The following TMPRSS11B variants were observed in gnomAD, a reference collection of about 807,000 sequenced individuals.
TMPRSS11B encodes transmembrane serine protease 11B.
Under a neutral mutation model 44.7 loss-of-function variants are expected in TMPRSS11B, and 53 were observed. That is an observed-to-expected ratio of 1.19 (90% CI 0.95 to 1.49). The LOEUF is 1.49. Among genes scored for constraint, TMPRSS11B ranks in the 40% most tolerant of loss-of-function variants. The probability of loss-of-function intolerance (pLI) is 0.00; values close to 1 mark genes in which losing one functional copy is unlikely to be tolerated. For missense variants in TMPRSS11B, 526 were observed against 494.8 expected, an observed-to-expected ratio of 1.06 and a Z score of -0.60; for synonymous variants, 140 against 159.2, an observed-to-expected ratio of 0.88 and a Z score of 0.91.
At position 68,229,374 on chromosome 4, in the gene TMPRSS11B, C is replaced by G. The variant is rs756777618; in HGVS notation, c.829G>C (p.Ala277Pro). Residue 277 changes from alanine (A) to proline (P), a missense_variant, in exon 8 of 10, where the codon GCT (alanine) becomes CCT (proline). Physicochemically the swap from Ala to Pro is conservative, Grantham distance 27. Coordinates refer to ENST00000332644, the MANE Select transcript of TMPRSS11B (RefSeq NM_182502.3). ...LHDDIALVQL[A>P]EEVSFTEYIR... ...TACTCTGTAAAAGAAACTTCTTCAG[C>G]AAGCTGCACAAGGGCAATATCATCA... 6 of 1,614,066 alleles carry G rather than the reference C, an allele frequency of 3.7e-6. No homozygotes were observed. Among genetic ancestry groups the G allele is most frequent in the Non-Finnish European group, 5.1e-6 (6 of 1,179,984 alleles).
rs367772329 is a variant in TMPRSS11B at position 68,241,738 on chromosome 4, C to T, written c.75G>A (p.Ala25=). ...WTTIFIFLGV[A]AILGVTIGLL... The stretch of plus-strand genomic sequence containing the variant: ...GACCAATGGTTACTCCCAAGATTGC[C>T]GCCACTCCAAGAAAAATAAAGATCG... Residue 25 remains alanine, a synonymous_variant, in exon 2 of 10, where the codon GCG becomes GCA. Transcript: ENST00000332644. 10 of 1,612,708 alleles carry T rather than the reference C, an allele frequency of 6.2e-6. No homozygotes were observed. Among genetic ancestry groups the T allele is most frequent in the East Asian group, 2.2e-5 (1 of 44,842 alleles).
intron 7 of TMPRSS11B, 111 bp downstream of exon 7, chr4:68,231,092 G>C (rs10024748): frequency 3.3e-6 from 3 of 912,850 alleles, no homozygotes; most frequent in Non-Finnish European, 4.6e-6. Flanking sequence ...CTATGTGATT[G>C]TAAATTTCAT....
intron 1 of TMPRSS11B, among the ~76,000 whole-genome samples, chr4:68,242,357 T>TTATATTATATATAATATTATATATATAA (rs1719880780): frequency 6.5e-5 from 4 of 61,092 alleles, no homozygotes; most frequent in Non-Finnish European, 1.1e-4. Context: ...ATATATAATA[T>TTATATTATATATAATATTATATATATAA]TATATTATAT....
rs142803242 is a variant in TMPRSS11B at position 68,235,860 on chromosome 4, G to A, written c.308+142C>T. The A allele has an allele frequency of 1.1e-3, 497 of 456,982 alleles. 7 individuals are homozygous for A. The highest frequency in any genetic ancestry group is 8.2e-3 in the African/African-American group (394 of 48,292). 28.3% of individuals were successfully genotyped at this position (456,982 alleles called of 1,614,324 possible). On this transcript the variant is annotated intron_variant, in intron 4 of 9. Transcript: ENST00000332644. Reference sequence around the variant, plus strand: ...TTTTCTTTTTTTTTCTATTTCCTTCGTTCCTTCCTTTCTTTCTTTCCTTTC... The same window carrying A: ...TTTTCTTTTTTTTTCTATTTCCTTCATTCCTTCCTTTCTTTCTTTCCTTTC...
chr4:68,233,294 G>A (rs1719571178), intron 5 of TMPRSS11B, among the ~76,000 whole-genome samples: 1 of 152,092 alleles, frequency 6.6e-6, no homozygotes, highest in East Asian at 1.9e-4. Flanking sequence ...TGTGGCAAAA[G>A]AGCGGTAACT....
Position 68,231,379 on chromosome 4 carries a change from A to C in TMPRSS11B, c.510T>G (p.Cys170Trp). 1 of 1,609,058 alleles carries C rather than the reference A, an allele frequency of 6.2e-7. No individual in the cohort carries two copies. The highest frequency in any genetic ancestry group is 1.7e-4 in the Middle Eastern group (1 of 6,010). The change falls in exon 7 of 10, where the codon TGT (cysteine) becomes TGG (tryptophan). Residue 170 changes from cysteine to tryptophan, a missense_variant and splice_region_variant. Transcript: ENST00000332644. ...KAASEMLTNN[C>W]CGRQVANSII... The stretch of plus-strand genomic sequence containing the variant: ...TACTGTTGGCTACTTGTCTCCCACA[A>C]CCTAGAGAAAGGATTTATTTACACG...
At chr4:68,232,966 C>A (rs1331389052) in intron 5 of TMPRSS11B, among the ~76,000 whole-genome samples, 1 of 149,774 alleles carries the variant, frequency 6.7e-6, no homozygotes, top group Non-Finnish European at 1.5e-5. Flanking sequence ...GGAAAAATGT[C>A]CCAATTAAAA....
At chr4:68,239,254 GCTCTCT>G (rs926030805) in intron 2 of TMPRSS11B, among the ~76,000 whole-genome samples, 87 of 150,146 alleles carry the variant, frequency 5.8e-4, no homozygotes, top group Non-Finnish European at 1.0e-3. Context: ...TCTCTTGCGC[GCTCTCT>G]CTCGCGCGCG....
At chr4:68,243,348 G>GT (rs963818591) in intron 1 of TMPRSS11B, among the ~76,000 whole-genome samples, 119 of 151,696 alleles carry the variant, frequency 7.8e-4, no homozygotes, top group African/African-American at 2.6e-3. Flanking sequence ...TTTTGTTTTT[G>GT]TTTTTTTTAG....
chr4:68,234,455 T>C lies in TMPRSS11B; in HGVS notation c.469+8A>G. The C allele has an allele frequency of 6.2e-7, 1 of 1,610,206 alleles. No individual in the cohort carries two copies. Among genetic ancestry groups the C allele is most frequent in the South Asian group, 1.1e-5 (1 of 90,266 alleles). On this transcript the variant is annotated splice_region_variant and intron_variant, in intron 5 of 9. Coordinates refer to ENST00000332644, the MANE Select transcript of TMPRSS11B (RefSeq NM_182502.3). ...TGTAATAGAAAATAATGGAAATAAG[T>C]CAAATACCCATGAGTTTAATGGAAG...
chr4:68,233,659 T>C (rs1327215521), intron 5 of TMPRSS11B, among the ~76,000 whole-genome samples: 3 of 152,148 alleles, frequency 2.0e-5, no homozygotes, highest in Non-Finnish European at 1.5e-5. Context: ...AGATTTAAAT[T>C]TAAGTTCTCA....
chr4:68,227,934 T>C lies in TMPRSS11B; in HGVS notation c.1228A>G (p.Ile410Val), dbSNP rs771501243. The change falls in exon 10 of 10, where the codon ATT becomes GTT. Residue 410 changes from isoleucine (I) to valine (V), a missense_variant. Physicochemically the swap from Ile to Val is conservative, Grantham distance 29. Transcript: ENST00000332644. ...TTTCAGAGTCCAGTCTTGGATGTAA[T>C]CCAATTGCGATAAGAAGTCACTCGA... The part of the protein sequence containing the change: ...YTRVTSYRNW[I>V]TSKTGL The C allele has an allele frequency of 1.2e-6, 2 of 1,612,616 alleles. No homozygotes were observed. Among genetic ancestry groups the C allele is most frequent in the South Asian group, 2.2e-5 (2 of 90,774 alleles).
intron 2 of TMPRSS11B, among the ~76,000 whole-genome samples, chr4:68,237,831 C>T (rs1719716823): frequency 6.6e-6 from 1 of 152,064 alleles, no homozygotes; most frequent in South Asian, 2.1e-4. Flanking sequence ...GCCTGGACAG[C>T]ATAGTGAGAG....
chr4:68,238,404 G>T (rs190881462), intron 2 of TMPRSS11B, among the ~76,000 whole-genome samples: 1 of 151,970 alleles, frequency 6.6e-6, no homozygotes, highest in Admixed American at 6.6e-5. Flanking sequence ...TATTTAGCCC[G>T]CTGGGATTTT....
rs1719445771 is a variant in TMPRSS11B at position 68,229,382 on chromosome 4, A to C, written c.821T>G (p.Val274Gly). The C allele has an allele frequency of 6.2e-7, 1 of 1,614,000 alleles. No homozygotes were observed. Among genetic ancestry groups the C allele is most frequent in the African/African-American group, 1.3e-5 (1 of 74,938 alleles). ...AAAAGAAACTTCTTCAGCAAGCTGC[A>C]CAAGGGCAATATCATCATGAAGCCC... ...SPGLHDDIAL[V>G]QLAEEVSFTE... The change falls in exon 8 of 10, where the codon GTG (valine) becomes GGG (glycine). Residue 274 changes from valine to glycine, a missense_variant. Physicochemically the swap from Val to Gly is moderately radical, Grantham distance 109. Transcript: ENST00000332644.
chr4:68,238,491 G>A lies in TMPRSS11B; in HGVS notation c.125-2225C>T, dbSNP rs1209298820. Among the ~76,000 whole-genome samples the A allele has an allele frequency of 4.6e-5, 7 of 151,832 alleles. No homozygotes were observed. In the South Asian group the frequency reaches 1.2e-3, roughly 27 times the overall value. On this transcript the variant is annotated intron_variant, in intron 2 of 9. Coordinates refer to ENST00000332644, the MANE Select transcript of TMPRSS11B (RefSeq NM_182502.3). ...GTAATCCCAGAACTTTGGAGGCAGA[G>A]GTGAGAGGATCACTTGAGGTCAGGG...
intron 4 of TMPRSS11B, 21 bp downstream of exon 4, chr4:68,235,981 C>T (rs774449836): frequency 1.4e-5 from 21 of 1,475,144 alleles, no homozygotes; most frequent in Non-Finnish European, 1.9e-5. Context: ...TTCATAAAAT[C>T]TTAAATGAAC....
intron 2 of TMPRSS11B, among the ~76,000 whole-genome samples, chr4:68,239,950 G>A (rs907041547): frequency 6.6e-6 from 1 of 152,148 alleles, no homozygotes; most frequent in Non-Finnish European, 1.5e-5. Context: ...TGTGTATTAA[G>A]CTTTTGGAAA....
intron 6 of TMPRSS11B, 62 bp downstream of exon 6, chr4:68,232,315 GA>G: frequency 6.7e-7 from 1 of 1,482,002 alleles, no homozygotes; most frequent in Non-Finnish European, 9.3e-7. Flanking sequence ...ATTTTTAATA[GA>G]AAAATAATGA....
Sources: allele counts gnomAD v4.1 joint callset (sites outside exome capture counted in the v4.1 genomes callset), GRCh38; gene constraint gnomAD v4.1.1; transcripts MANE v1.5; gene names NCBI Gene and HGNC (gene_info 2026-07-23, HGNC 2026-07-21).